The following ZNF215 variants were observed in gnomAD, a reference collection of about 807,000 sequenced individuals.
The protein encoded by ZNF215 is zinc finger protein 215.
A neutral mutation model predicts 27.2 loss-of-function variants in ZNF215; 24 were observed. The observed-to-expected ratio is 0.88, with a 90% CI of 0.64 to 1.24. The LOEUF (loss-of-function observed/expected upper bound fraction) is 1.24. Among genes scored for constraint, ZNF215 ranks in the 50% most tolerant of loss-of-function variants. The pLI, the probability that ZNF215 is intolerant of heterozygous loss-of-function variation, is 0.00. For synonymous variants in ZNF215, 210 were observed against 204.0 expected (o/e 1.03, Z -0.25); for missense variants, 675 against 605.7 (o/e 1.11, Z -1.20).
chr11:6,973,741 G>GTTGT (rs1423291153), intron 5 of ZNF215, among the ~76,000 whole-genome samples: 2 of 151,984 alleles, frequency 1.3e-5, no homozygotes, highest in East Asian at 1.9e-4. Context: ...TGTTGATGGG[G>GTTGT]TTGTTTTAAC....
At chr11:6,952,522 T>A (rs1055655530) in intron 6 of ZNF215, among the ~76,000 whole-genome samples, 11 of 152,144 alleles carry the variant, frequency 7.2e-5, no homozygotes, top group African/African-American at 2.7e-4. Context: ...CTTTGTTGGT[T>A]TAAAGTCTGT....
intron 4 of ZNF215, 64 bp downstream of exon 4, chr11:6,941,717 T>C (rs1849637490): frequency 6.5e-7 from 1 of 1,540,296 alleles, no homozygotes; most frequent in Non-Finnish European, 8.9e-7. Flanking sequence ...CTGCTTTCAA[T>C]TTTTTGATCT....
intron 5 of ZNF215, among the ~76,000 whole-genome samples, chr11:6,982,378 A>T (rs1850972835): frequency 6.6e-6 from 1 of 152,134 alleles, no homozygotes; most frequent in Non-Finnish European, 1.5e-5. Context: ...GATACCCAGG[A>T]ATTGAACTCA....
At chr11:6,982,143 A>G (rs1356542950) in intron 5 of ZNF215, among the ~76,000 whole-genome samples, 1 of 152,026 alleles carries the variant, frequency 6.6e-6, no homozygotes, top group African/African-American at 2.4e-5. Flanking sequence ...CAATTCTGTG[A>G]AGAAAGTCAT....
At chr11:6,949,272 G>A (rs1300090159) in intron 6 of ZNF215, among the ~76,000 whole-genome samples, 2 of 152,160 alleles carry the variant, frequency 1.3e-5, no homozygotes, top group Non-Finnish European at 2.9e-5. Context: ...CCAGTAATGG[G>A]ATGGCTGGGT....
rs761577394 is a variant in ZNF215, at chr11:6,956,416, A to G, written c.1439A>G (p.His480Arg). The G allele has an allele frequency of 6.2e-7, 1 of 1,614,200 alleles. No individual in the cohort carries two copies. The highest frequency in any genetic ancestry group is 1.1e-5 in the South Asian group (1 of 91,080). ...SFNRSSSLIR[H>R]QMIHTGEKPF... is the part of the protein sequence containing the mutation. The stretch of plus-strand genomic sequence containing the variant: ...AACCGGAGCTCCTCTCTTATTCGAC[A>G]CCAAATGATTCACACGGGAGAGAAA... Residue 480 changes from histidine (H) to arginine (R), a missense_variant, in exon 7 of 7, where the codon CAC becomes CGC. Coordinates refer to ENST00000278319, the MANE Select transcript of ZNF215 (RefSeq NM_013250.4).
intron 6 of ZNF215, among the ~76,000 whole-genome samples, chr11:6,944,136 T>C (rs1469012645): frequency 2.0e-5 from 3 of 151,774 alleles, no homozygotes; most frequent in Admixed American, 6.6e-5. Context: ...ATTAGCCGGG[T>C]GTGGTGGCGG....
At chr11:6,959,936 A>G (rs1383220475), downstream of ZNF215, among the ~76,000 whole-genome samples, 1 of 152,092 alleles carries the variant, frequency 6.6e-6, no homozygotes, top group Non-Finnish European at 1.5e-5. Flanking sequence ...TAGAGTGGAA[A>G]CTATTCAATA....
In ZNF215 at chr11:6,982,235, A is replaced by G. The variant is rs540318407; in HGVS notation, c.806-1894A>G. Reference sequence around the variant, plus strand: ...TTTTCATGATATATGCACCCAATACAGGAGCACCCAGATTCATAAAGCAAG... The same window carrying G: ...TTTTCATGATATATGCACCCAATACGGGAGCACCCAGATTCATAAAGCAAG... On this transcript the variant is annotated intron_variant, in intron 5 of 5. Transcript: ENST00000529903. 2.0e-5 allele frequency among the ~76,000 whole-genome samples: 3 copies of G among 152,228 alleles called. No individual in the cohort carries two copies. The South Asian group carries it at 6.2e-4, about 32-fold the overall frequency.
chr11:6,949,952 G>A (rs1215020682), intron 6 of ZNF215, among the ~76,000 whole-genome samples: 3 of 151,976 alleles, frequency 2.0e-5, no homozygotes, highest in African/African-American at 7.3e-5. Flanking sequence ...TCTACATATG[G>A]CTAGCCAGAT....
chr11:6,956,255 A>G lies in ZNF215; in HGVS notation c.1278A>G (p.Gln426=), dbSNP rs544955839. The G allele has an allele frequency of 4.8e-5, 77 of 1,613,972 alleles. No individual in the cohort carries two copies. In the South Asian group the frequency reaches 7.6e-4, roughly 16 times the overall value. ...FNRRTNLTKH[Q]KLHAEAKACT... ...GACGTACAAACCTTACTAAGCATCA[A>G]AAACTTCATGCTGAAGCAAAGGCCT... The change falls in exon 7 of 7, where the codon CAA becomes CAG. Residue 426 remains glutamine (Q), a synonymous_variant. Transcript: ENST00000278319.
intron 3 of ZNF215, among the ~76,000 whole-genome samples, chr11:6,939,177 T>C (rs1427798023): frequency 1.3e-5 from 2 of 152,180 alleles, no homozygotes; most frequent in African/African-American, 4.8e-5. Context: ...CTGATGGTCA[T>C]TAGAGATAAG....
chr11:6,949,789 A>G (rs1590063194), intron 6 of ZNF215, among the ~76,000 whole-genome samples: 1 of 152,150 alleles, frequency 6.6e-6, no homozygotes, highest in Non-Finnish European at 1.5e-5. Flanking sequence ...TTGGTGTTTT[A>G]GACATGAAGT....
intron 3 of ZNF215, among the ~76,000 whole-genome samples, chr11:6,939,641 C>G (rs1849567341): frequency 6.6e-6 from 1 of 152,002 alleles, no homozygotes; most frequent in African/African-American, 2.4e-5. Context: ...AAGGAAGAGT[C>G]TGTAAAGAAC....
rs201683050 is a variant in ZNF215, at chr11:6,966,726, TG to T, written c.805+10945del. Among the ~76,000 whole-genome samples, 652 of 152,190 alleles carry T rather than the reference TG, an allele frequency of 4.3e-3. 2 individuals carry two copies. Among genetic ancestry groups the T allele is most frequent in the African/African-American group, 0.013 (525 of 41,536 alleles). On this transcript the variant is annotated intron_variant, in intron 5 of 5. Transcript: ENST00000529903. ...ATTTTTAATTTCATTTTTATTATTT[TG>T]TTCCTTCTGCTTGATTTGGGTGTAC...
intron 6 of ZNF215, among the ~76,000 whole-genome samples, chr11:6,948,903 C>G (rs1399051453): frequency 9.3e-6 from 1 of 107,354 alleles, no homozygotes; most frequent in African/African-American, 3.6e-5. Flanking sequence ...TCCCCCCTCC[C>G]CCCACCCCAC....
chr11:6,950,358 C>T (rs1850005080), intron 6 of ZNF215, among the ~76,000 whole-genome samples: 1 of 150,672 alleles, frequency 6.6e-6, no homozygotes, highest in South Asian at 2.1e-4. Flanking sequence ...TTCTTCCTAC[C>T]CATGAGCATG....
intron 5 of ZNF215, chr11:6,984,112 A>AT (rs3077870): frequency 0.069 from 23,661 of 344,020 alleles, 23 homozygotes; most frequent in South Asian, 0.093. Context: ...TGTCCCTTAA[A>AT]TTTTTTTTTT....
chr11:6,984,112 A>ATT (rs3077870), intron 5 of ZNF215: 84,809 of 356,574 alleles, frequency 0.24, 7,212 homozygotes, highest in East Asian at 0.51. Context: ...TGTCCCTTAA[A>ATT]TTTTTTTTTT....
Sources: allele counts gnomAD v4.1 joint callset (sites outside exome capture counted in the v4.1 genomes callset), GRCh38; gene constraint gnomAD v4.1.1; transcripts MANE v1.5; gene names NCBI Gene and HGNC (gene_info 2026-07-23, HGNC 2026-07-21).